The following SLC4A10 variants were observed in gnomAD, a reference collection of about 807,000 sequenced individuals.
SLC4A10 encodes the protein solute carrier family 4 member 10.
SLC4A10 carries 42 observed loss-of-function variants against 137.7 expected under a neutral mutation model. That is an observed-to-expected ratio of 0.30 (90% CI 0.24 to 0.39). The LOEUF (loss-of-function observed/expected upper bound fraction) is 0.39. Ranked by LOEUF, SLC4A10 falls within the 10% of genes least tolerant of loss-of-function variation. The pLI is 1.00. For synonymous variants in SLC4A10, 474 were observed against 464.1 expected (o/e 1.02, Z -0.27); for missense variants, 925 against 1,355.0 (o/e 0.68, Z 4.98).
chr2:161,747,668 A>T (rs1477034278), intron 1 of SLC4A10, among the ~76,000 whole-genome samples: 1 of 152,028 alleles, frequency 6.6e-6, no homozygotes, highest in Non-Finnish European at 1.5e-5. Flanking sequence ...TTCCTGGAAG[A>T]CTGAATGTTA....
At position 161,959,521 on chromosome 2, in the gene SLC4A10, C is replaced by T. The variant is rs115169759; in HGVS notation, c.2862+966C>T. 8.7e-3 allele frequency among the ~76,000 whole-genome samples: 1,326 copies of T among 152,250 alleles called. 15 individuals are homozygous for T. Among genetic ancestry groups the T allele is most frequent in the African/African-American group, 0.03 (1,236 of 41,530 alleles). The stretch of plus-strand genomic sequence containing the variant: ...TTTTCTACCTGTTGGTAGGATGACT[C>T]AGTCTTTTGCCACAGTGGCCTCTCC... On this transcript the variant is annotated intron_variant, in intron 21 of 26. Transcript: ENST00000446997.
At chr2:161,695,355 A>T (rs527913081) in intron 1 of SLC4A10, among the ~76,000 whole-genome samples, 1 of 152,022 alleles carries the variant, frequency 6.6e-6, no homozygotes, top group Non-Finnish European at 1.5e-5. Context: ...TATATACCCA[A>T]TACTAGTTGT....
intron 1 of SLC4A10, among the ~76,000 whole-genome samples, chr2:161,629,909 G>GATGT (rs1359283739): frequency 6.6e-6 from 1 of 151,626 alleles, no homozygotes; most frequent in Non-Finnish European, 1.5e-5. Context: ...TCATTGTCTT[G>GATGT]ATGTACTACA....
chr2:161,791,658 C>T (rs887994455), intron 2 of SLC4A10, among the ~76,000 whole-genome samples: 1 of 152,138 alleles, frequency 6.6e-6, no homozygotes, highest in Non-Finnish European at 1.5e-5. Context: ...AACGAAATTA[C>T]TTTTGTTCCA....
At chr2:161,708,189 C>T (rs544457128) in intron 1 of SLC4A10, among the ~76,000 whole-genome samples, 1 of 151,444 alleles carries the variant, frequency 6.6e-6, no homozygotes, top group African/African-American at 2.4e-5. Context: ...CCTTTTTAGG[C>T]ACTCATCATT....
intron 1 of SLC4A10, among the ~76,000 whole-genome samples, chr2:161,647,123 A>G (rs906772395): frequency 4.6e-5 from 7 of 152,016 alleles, no homozygotes; most frequent in Admixed American, 3.3e-4. Context: ...GAAATCTGTT[A>G]TGGTTCCTCT....
chr2:161,796,502 G>A (rs2054787440), intron 2 of SLC4A10, among the ~76,000 whole-genome samples: 1 of 152,148 alleles, frequency 6.6e-6, no homozygotes, highest in African/African-American at 2.4e-5. Flanking sequence ...AGCAACAGCA[G>A]GTAAGAACCT....
intron 6 of SLC4A10, among the ~76,000 whole-genome samples, chr2:161,869,333 G>A (rs754318583): frequency 5.3e-5 from 8 of 151,434 alleles, no homozygotes; most frequent in Non-Finnish European, 1.2e-4. Context: ...AATTAATTTT[G>A]AAATTTAATC....
chr2:161,673,772 T>C (rs1420472051), intron 1 of SLC4A10, among the ~76,000 whole-genome samples: 2 of 152,074 alleles, frequency 1.3e-5, no homozygotes, highest in Non-Finnish European at 2.9e-5. Context: ...GGTGGATCAC[T>C]TGAGGTCAGG....
chr2:161,685,757 G>A (rs1247277476), intron 1 of SLC4A10, among the ~76,000 whole-genome samples: 3 of 152,278 alleles, frequency 2.0e-5, no homozygotes, highest in East Asian at 3.9e-4. Flanking sequence ...TGCTTTAACA[G>A]CTGCACAAAG....
chr2:161,977,640 C>T, intron 25 of SLC4A10, 82 bp from the exon 26 acceptor site: 1 of 1,189,100 alleles, frequency 8.4e-7, no homozygotes, highest in Admixed American at 2.1e-5. Context: ...ACAGTGTTTA[C>T]TATAATTATA....
At chr2:161,918,788 G>A (rs1366462265) in intron 15 of SLC4A10, among the ~76,000 whole-genome samples, 1 of 152,098 alleles carries the variant, frequency 6.6e-6, no homozygotes, top group Non-Finnish European at 1.5e-5. Flanking sequence ...CCTACTTGCT[G>A]CAAAGATGCC....
At position 161,855,093 on chromosome 2, in the gene SLC4A10, G is replaced by A. The variant is rs781219752; in HGVS notation, c.540G>A (p.Leu180=). The A allele has an allele frequency of 1.2e-6, 2 of 1,611,306 alleles. No homozygotes were observed. The highest frequency in any genetic ancestry group is 1.7e-6 in the Non-Finnish European group (2 of 1,178,512). Reference sequence around the variant, plus strand: ...GTTGTATTCTGAATGGAACTGTGTTGCTGGACATGCATGCCAACACTTTAG... The same window carrying A: ...GTTGTATTCTGAATGGAACTGTGTTACTGGACATGCATGCCAACACTTTAG... The part of the protein sequence containing the change: ...LRSCILNGTV[L]LDMHANTLEE... The change falls in exon 5 of 27, where the codon TTG becomes TTA. Residue 180 remains leucine, a synonymous_variant. Transcript: ENST00000446997.
chr2:161,949,995 A>G (rs1478097262), intron 18 of SLC4A10, among the ~76,000 whole-genome samples: 1 of 151,836 alleles, frequency 6.6e-6, no homozygotes, highest in African/African-American at 2.4e-5. Context: ...TTCTCTGTCA[A>G]ACAGGGCTGG....
intron 20 of SLC4A10, 73 bp downstream of exon 20, chr2:161,957,313 T>A (rs1452028551): frequency 2.0e-6 from 3 of 1,496,200 alleles, no homozygotes. Flanking sequence ...CATTTGAATC[T>A]GAGCCATAAA....
chr2:161,957,131 C>T lies in SLC4A10; in HGVS notation c.2684C>T (p.Ser895Leu), dbSNP rs1335514018. 1.9e-6 allele frequency: 3 copies of T among 1,613,752 alleles called. No individual in the cohort carries two copies. Among genetic ancestry groups the T allele is most frequent in the Admixed American group, 1.7e-5 (1 of 59,962 alleles). Residue 895 changes from serine to leucine, a missense_variant, in exon 20 of 27, where the codon TCA becomes TTA. Physicochemically the swap from Ser to Leu is moderately radical, Grantham distance 145. Coordinates refer to ENST00000446997, the MANE Select transcript of SLC4A10 (RefSeq NM_001178015.2). The part of the protein sequence containing the change: ...VNSLKLESEC[S>L]APGEQPKFLG... ...AGCCTAAAACTGGAATCAGAATGCT[C>T]AGCTCCAGGAGAACAACCCAAATTT...
intron 3 of SLC4A10, among the ~76,000 whole-genome samples, chr2:161,806,472 C>T (rs561150089): frequency 8.5e-5 from 13 of 152,118 alleles, no homozygotes; most frequent in Admixed American, 4.6e-4. Flanking sequence ...TTTATAAAAC[C>T]GAATGTCTTT....
At chr2:161,862,820 G>A (rs2060507777) in intron 5 of SLC4A10, 54 bp from the exon 6 acceptor site, 1 of 1,386,990 alleles carries the variant, frequency 7.2e-7, no homozygotes, top group Non-Finnish European at 9.5e-7. Context: ...TTCACGGCTG[G>A]CACACGTTCT....
At chr2:161,861,774 C>A (rs1227373284) in intron 5 of SLC4A10, among the ~76,000 whole-genome samples, 2 of 152,158 alleles carry the variant, frequency 1.3e-5, no homozygotes, top group African/African-American at 4.8e-5. Flanking sequence ...ATATTATTAT[C>A]TCCATTTTAC....
Sources: allele counts gnomAD v4.1 joint callset (sites outside exome capture counted in the v4.1 genomes callset), GRCh38; gene constraint gnomAD v4.1.1; transcripts MANE v1.5; gene names NCBI Gene and HGNC (gene_info 2026-07-23, HGNC 2026-07-21).